Variants in WDPCP observed in about 807,000 individuals in gnomAD.
WDPCP encodes the protein WD repeat containing planar cell polarity effector.
In WDPCP, 71 loss-of-function variants were observed where a neutral mutation model predicts 93.1. That is an observed-to-expected ratio of 0.76 (90% CI 0.63 to 0.93). The LOEUF (loss-of-function observed/expected upper bound fraction) is 0.93, where lower values mean the gene tolerates loss of function less well. Ranked by LOEUF, WDPCP falls within the 40% of genes least tolerant of loss-of-function variation. WDPCP has a pLI of 0.00. For synonymous variants in WDPCP, 315 were observed against 315.0 expected, an observed-to-expected ratio of 1.00 and a Z score of 0.00; for missense variants, 844 against 887.4, an observed-to-expected ratio of 0.95 and a Z score of 0.62.
rs561206816 is a variant in WDPCP, at chr2:63,491,340, G to A, written c.160+1516C>T. Among the ~76,000 whole-genome samples, 89 of 152,194 alleles carry A rather than the reference G, an allele frequency of 5.8e-4. 1 individual carries two copies. In the South Asian group the frequency reaches 0.018, roughly 30 times the overall value. On this transcript the variant is annotated intron_variant, in intron 2 of 17. Coordinates refer to ENST00000272321, the MANE Select transcript of WDPCP (RefSeq NM_015910.7). ...TAGTTCTCTGTTTGTATTTACAAGTGAGGCACTAAAAAACTGATTGGAAGC... is the reference window on the plus strand; with the variant it reads ...TAGTTCTCTGTTTGTATTTACAAGTAAGGCACTAAAAAACTGATTGGAAGC...
At chr2:63,531,627 G>A (rs1418645517) in intron 1 of WDPCP, among the ~76,000 whole-genome samples, 1 of 152,194 alleles carries the variant, frequency 6.6e-6, no homozygotes, top group Non-Finnish European at 1.5e-5. Flanking sequence ...TGAGGGTCCT[G>A]ATGGTTAGAA....
intron 7 of WDPCP, chr2:63,437,950 G>A: frequency 6.6e-7 from 1 of 1,523,392 alleles, no homozygotes; most frequent in Non-Finnish European, 8.8e-7. Context: ...AGGATAAAGT[G>A]GATTTATTAG....
intron 2 of WDPCP, among the ~76,000 whole-genome samples, chr2:63,663,895 A>T (rs1478652158): frequency 6.6e-6 from 1 of 152,186 alleles, no homozygotes; most frequent in Non-Finnish European, 1.5e-5. Context: ...AGAAACAGAC[A>T]TCACAGTTTG....
At position 63,149,071 on chromosome 2, in the gene WDPCP, A is replaced by G. The variant is rs1205132872; in HGVS notation, c.2190+3843T>C. Among the ~76,000 whole-genome samples, 3 of 152,190 alleles carry G rather than the reference A, an allele frequency of 2.0e-5. No homozygotes were observed. The East Asian group carries it at 5.8e-4, about 29-fold the overall frequency. Reference sequence around the variant, plus strand: ...TCAAAAATTTTTTTCGTCAACCACAAAGACAGGAAAAAGATAAGCAACAAC... The same window carrying G: ...TCAAAAATTTTTTTCGTCAACCACAGAGACAGGAAAAAGATAAGCAACAAC... On this transcript the variant is annotated intron_variant, in intron 17 of 17. Transcript: ENST00000272321.
chr2:63,236,957 T>G (rs916950326), intron 14 of WDPCP, among the ~76,000 whole-genome samples: 1 of 152,064 alleles, frequency 6.6e-6, no homozygotes. Context: ...CAAAAGCAAT[T>G]ACAACAGTAA....
intron 1 of WDPCP, among the ~76,000 whole-genome samples, chr2:63,580,775 A>C (rs565687415): frequency 6.6e-6 from 1 of 152,372 alleles, no homozygotes; most frequent in South Asian, 2.1e-4. Flanking sequence ...AGAGTATATT[A>C]GATACTTGTA....
chr2:63,410,826 C>A (rs1309757838), intron 9 of WDPCP, among the ~76,000 whole-genome samples: 4 of 152,032 alleles, frequency 2.6e-5, no homozygotes, highest in Non-Finnish European at 5.9e-5. Context: ...AAAGACCTTG[C>A]CCAACAGGAA....
chr2:63,224,118 G>A (rs992576639), intron 14 of WDPCP, among the ~76,000 whole-genome samples: 4 of 151,888 alleles, frequency 2.6e-5, no homozygotes, highest in Non-Finnish European at 4.4e-5. Flanking sequence ...TATACATATG[G>A]CAAATAAGCA....
chr2:63,212,135 C>T (rs971895653), intron 14 of WDPCP, among the ~76,000 whole-genome samples: 17 of 151,962 alleles, frequency 1.1e-4, no homozygotes, highest in Non-Finnish European at 1.6e-4. Context: ...AGATACTCCT[C>T]GAGAAGAGCA....
chr2:63,395,738 T>C lies in WDPCP; in HGVS notation c.1435+8310A>G, dbSNP rs1159512712. 5.9e-5 allele frequency among the ~76,000 whole-genome samples: 9 copies of C among 152,266 alleles called. No individual in the cohort carries two copies. The East Asian group carries it at 1.7e-3, about 29-fold the overall frequency. ...TGTCAAAACTCATTGAACTGTACTT[T>C]TTTTTTGAGAAGGAGTTTTGCTCTT... On this transcript the variant is annotated intron_variant, in intron 10 of 17. Coordinates refer to ENST00000272321, the MANE Select transcript of WDPCP (RefSeq NM_015910.7).
chr2:63,545,821 G>A (rs1156237395), intron 1 of WDPCP, among the ~76,000 whole-genome samples: 1 of 148,638 alleles, frequency 6.7e-6, no homozygotes, highest in Non-Finnish European at 1.5e-5. Context: ...GGCTCTTCCA[G>A]CCCCTCTCGT....
At chr2:63,534,765 G>T (rs1704140290) in intron 1 of WDPCP, among the ~76,000 whole-genome samples, 1 of 152,148 alleles carries the variant, frequency 6.6e-6, no homozygotes, top group Non-Finnish European at 1.5e-5. Context: ...TACTGAATGG[G>T]CAAAAACTGG....
In WDPCP at chr2:63,218,316, T is replaced by A. The variant is rs536720245; in HGVS notation, c.1915+40991A>T. ...TACTTTTATTAGAAATATGATAGCG[T>A]TATCTTATATTCAGGAAGGGATATT... On this transcript the variant is annotated intron_variant, in intron 14 of 17. Transcript: ENST00000272321. 1.4e-4 allele frequency among the ~76,000 whole-genome samples: 21 copies of A among 152,220 alleles called. 1 individual carries two copies. The highest frequency in any genetic ancestry group is 4.6e-4 in the African/African-American group (19 of 41,552).
At chr2:63,184,814 A>T (rs933428419) in intron 14 of WDPCP, among the ~76,000 whole-genome samples, 5 of 152,118 alleles carry the variant, frequency 3.3e-5, no homozygotes, top group Admixed American at 6.5e-5. Flanking sequence ...GATTTTCAAA[A>T]CTTTGTTTTT....
intron 9 of WDPCP, among the ~76,000 whole-genome samples, chr2:63,424,431 C>T (rs1438274322): frequency 2.6e-5 from 4 of 152,186 alleles, no homozygotes; most frequent in African/African-American, 7.2e-5. Context: ...TCTTCACACC[C>T]TCGTTGTCCA....
intron 13 of WDPCP, among the ~76,000 whole-genome samples, chr2:63,262,767 C>T (rs868507184): frequency 5.3e-5 from 8 of 151,948 alleles, no homozygotes; most frequent in Non-Finnish European, 7.4e-5. Flanking sequence ...GAATTGGGGT[C>T]GTCGATTTGA....
chr2:63,617,378 A>C (rs1709683286), intron 3 of WDPCP, among the ~76,000 whole-genome samples: 1 of 152,216 alleles, frequency 6.6e-6, no homozygotes, highest in Non-Finnish European at 1.5e-5. Flanking sequence ...TTGAGAGGGA[A>C]AAATGCTTTC....
chr2:63,605,169 G>A (rs562630425), intron 3 of WDPCP: 4 of 722,464 alleles, frequency 5.5e-6, no homozygotes, highest in South Asian at 3.7e-5. Context: ...TTTTGGAGGG[G>A]AAACATTAAG....
chr2:63,338,137 G>T (rs933271951), intron 12 of WDPCP, among the ~76,000 whole-genome samples: 6 of 152,094 alleles, frequency 3.9e-5, no homozygotes, highest in African/African-American at 1.4e-4. Flanking sequence ...TTCAGGTCTT[G>T]GGTTTAAGTA....
Sources: allele counts gnomAD v4.1 joint callset (sites outside exome capture counted in the v4.1 genomes callset), GRCh38; gene constraint gnomAD v4.1.1; transcripts MANE v1.5; gene names NCBI Gene and HGNC (gene_info 2026-07-23, HGNC 2026-07-21).